ATP11C: variants seen among roughly 807,000 people sequenced by gnomAD.
The protein encoded by ATP11C is ATPase phospholipid transporting 11C (ATP11C blood group), also known as phospholipid-transporting ATPase IG.
A neutral mutation model predicts 97.4 loss-of-function variants in ATP11C; 36 were observed. The ratio of observed to expected loss-of-function variants is 0.37; its 90% confidence interval spans 0.28 to 0.49. ATP11C has a LOEUF of 0.49. Ranked by LOEUF, ATP11C falls within the 20% of genes least tolerant of loss-of-function variation. ATP11C has a pLI of 0.98. For synonymous variants in ATP11C, 275 were observed against 290.9 expected (o/e 0.95, Z 0.56); for missense variants, 730 against 824.6 (o/e 0.89, Z 1.40).
intron 18 of ATP11C, among the ~76,000 whole-genome samples, chrX:139,781,106 G>A (rs899008573): frequency 5.4e-5 from 6 of 111,162 alleles, no homozygotes; most frequent in African/African-American, 2.0e-4. Flanking sequence ...AAAGAGGAAC[G>A]CCAATCATCC....
intron 20 of ATP11C, among the ~76,000 whole-genome samples, chrX:139,765,572 T>A (rs1345463778): frequency 5.4e-5 from 6 of 112,124 alleles, no homozygotes; most frequent in Non-Finnish European, 1.1e-4. Context: ...GAAATATTAG[T>A]AAGACTCGCA....
intron 5 of ATP11C, among the ~76,000 whole-genome samples, chrX:139,805,045 T>C (rs769861243): frequency 1.6e-4 from 18 of 111,855 alleles, no homozygotes; most frequent in Admixed American, 8.5e-4. Flanking sequence ...AACTGTGTTG[T>C]TGGGTGCCAG....
chrX:139,740,587 C>A (rs1284545429), intron 27 of ATP11C, among the ~76,000 whole-genome samples: 1 of 111,903 alleles, frequency 8.9e-6, no homozygotes, highest in Non-Finnish European at 1.9e-5. Flanking sequence ...TGGTTATATA[C>A]TATCAAGAGA....
At chrX:139,744,565 C>T (rs1180227630) in intron 25 of ATP11C, among the ~76,000 whole-genome samples, 1 of 111,997 alleles carries the variant, frequency 8.9e-6, no homozygotes, top group African/African-American at 3.2e-5. Flanking sequence ...TAGCCAGCTA[C>T]ATAAAATCTG....
chrX:139,847,702 C>CA (rs775132290), intron 1 of ATP11C, among the ~76,000 whole-genome samples: 1,735 of 84,949 alleles, frequency 0.02, 36 homozygotes, highest in African/African-American at 0.06. Context: ...GAACCTATCT[C>CA]AAAAAAAAAA....
intron 1 of ATP11C, among the ~76,000 whole-genome samples, chrX:139,915,933 T>C (rs1247530246): frequency 2.7e-5 from 3 of 111,377 alleles, no homozygotes; most frequent in Non-Finnish European, 5.7e-5. Flanking sequence ...GTATGTATTA[T>C]AAAACACAAC....
In ATP11C at chrX:139,796,312, G is replaced by A. The variant is rs765595588; in HGVS notation, c.1167C>T (p.Ala389=). ...CATTAAGGTCTGATGTGTTAACCAGGGCTCCTTCATTAATTTCTTCATCAT... is the reference window on the plus strand; with the variant it reads ...CATTAAGGTCTGATGTGTTAACCAGAGCTCCTTCATTAATTTCTTCATCAT... ...DFYDEEINEG[A]LVNTSDLNEE... Residue 389 remains alanine, a synonymous_variant, in exon 12 of 30, where the codon GCC becomes GCT. Coordinates refer to ENST00000682941, the MANE Select transcript of ATP11C (RefSeq NM_001353812.2). The A allele has an allele frequency of 8.3e-7, 1 of 1,205,039 alleles. No homozygotes were observed. The highest frequency in any genetic ancestry group is 1.8e-5 in the African/African-American group (1 of 57,060).
chrX:139,788,421 T>C lies in ATP11C; in HGVS notation c.1369-78A>G, dbSNP rs1299913812. 4.4e-6 allele frequency: 4 copies of C among 908,655 alleles called. No individual in the cohort carries two copies. The East Asian group carries it at 1.3e-4, about 29-fold the overall frequency. The allele number at this position is 908,655 out of a possible 1,213,427, so 74.9% of individuals were successfully genotyped here. ...AACTAGGCAGTGAACGGAGAAAATA[T>C]ATTAATGTGAGAGAATGTTGTAACT... On this transcript the variant is annotated intron_variant, in intron 13 of 29. Coordinates refer to ENST00000682941, the MANE Select transcript of ATP11C (RefSeq NM_001353812.2).
intron 1 of ATP11C, among the ~76,000 whole-genome samples, chrX:139,871,345 T>G (rs980889677): frequency 3.8e-5 from 4 of 106,018 alleles, no homozygotes; most frequent in Non-Finnish European, 7.7e-5. Context: ...GTAGCTGGCA[T>G]TACAGGTGTG....
chrX:139,901,162 G>A (rs2084893931), intron 1 of ATP11C, among the ~76,000 whole-genome samples: 2 of 111,833 alleles, frequency 1.8e-5, no homozygotes, highest in Non-Finnish European at 3.8e-5. Context: ...AGACAAGAGG[G>A]CCATGGACAC....
chrX:139,834,096 A>G (rs997120399), intron 1 of ATP11C, among the ~76,000 whole-genome samples: 1 of 111,938 alleles, frequency 8.9e-6, no homozygotes, highest in Non-Finnish European at 1.9e-5. Context: ...GGCTCTACAG[A>G]AGAGGCACGG....
intron 5 of ATP11C, among the ~76,000 whole-genome samples, chrX:139,807,634 G>A (rs931589291): frequency 2.7e-5 from 3 of 111,658 alleles, no homozygotes; most frequent in Non-Finnish European, 5.6e-5. Context: ...ATGAAACAGG[G>A]ACTTAAAAAC....
chrX:139,787,188 C>T lies in ATP11C; in HGVS notation c.1577G>A (p.Arg526Lys), dbSNP rs147128476. ...AGCTACTTACTCTTCTATTTCTTTT[C>T]TTTGGTTCTCTACTCTCATATATCC... Reference protein sequence around the residue: ...RNGYMRVENQRKEIEEYELLH... With the variant: ...RNGYMRVENQKKEIEEYELLH... Residue 526 changes from arginine to lysine, a missense_variant, in exon 15 of 30, where the codon AGA becomes AAA. Physicochemically the swap from Arg to Lys is conservative, Grantham distance 26. Transcript: ENST00000682941. The T allele has an allele frequency of 1.7e-5, 20 of 1,194,197 alleles. No homozygotes were observed. In the African/African-American group the frequency reaches 3.2e-4, roughly 19 times the overall value.
intron 1 of ATP11C, among the ~76,000 whole-genome samples, chrX:139,877,989 C>G (rs983943399): frequency 9.0e-6 from 1 of 111,546 alleles, no homozygotes; most frequent in African/African-American, 3.3e-5. Flanking sequence ...TGCCACTGCA[C>G]TCTAGCCTGG....
At chrX:139,889,575 T>C (rs1039344554) in intron 1 of ATP11C, among the ~76,000 whole-genome samples, 2 of 112,279 alleles carry the variant, frequency 1.8e-5, no homozygotes, top group African/African-American at 6.5e-5. Flanking sequence ...ATGTAAATTA[T>C]ACCTCAATAA....
intron 1 of ATP11C, among the ~76,000 whole-genome samples, chrX:139,851,254 T>C (rs1288539144): frequency 8.9e-6 from 1 of 112,178 alleles, no homozygotes; most frequent in Non-Finnish European, 1.9e-5. Flanking sequence ...ACCCCAGCCA[T>C]GGCTCAAGGG....
intron 1 of ATP11C, among the ~76,000 whole-genome samples, chrX:139,839,647 G>A (rs1157177438): frequency 9.0e-6 from 1 of 111,462 alleles, no homozygotes; most frequent in Admixed American, 9.5e-5. Context: ...TACCCTGAGG[G>A]CTAACCTAGC....
chrX:139,755,872 C>T (rs1361980914), intron 23 of ATP11C, among the ~76,000 whole-genome samples: 2 of 111,997 alleles, frequency 1.8e-5, no homozygotes, highest in East Asian at 5.6e-4. Flanking sequence ...CTATAACCAC[C>T]CTGGAAGATA....
At chrX:139,885,254 C>G (rs2084622231) in intron 1 of ATP11C, among the ~76,000 whole-genome samples, 1 of 110,755 alleles carries the variant, frequency 9.0e-6, no homozygotes, top group South Asian at 3.9e-4. Flanking sequence ...ACGGTTTTAT[C>G]CAAAACACCT....
Sources: allele counts gnomAD v4.1 joint callset (sites outside exome capture counted in the v4.1 genomes callset), GRCh38; gene constraint gnomAD v4.1.1; transcripts MANE v1.5; gene names NCBI Gene and HGNC (gene_info 2026-07-23, HGNC 2026-07-21).